Variants in NMRK1 observed in about 807,000 individuals in gnomAD.
NMRK1 encodes the protein NRK 1.
In NMRK1, 28 loss-of-function variants were observed where a neutral mutation model predicts 29.9. That is an observed-to-expected ratio of 0.94 (90% CI 0.69 to 1.28). The LOEUF (loss-of-function observed/expected upper bound fraction) is 1.28, where lower values mean the gene tolerates loss of function less well. Among genes scored for constraint, NMRK1 ranks in the 50% most tolerant of loss-of-function variants. NMRK1 has a pLI of 0.00. For synonymous variants in NMRK1, 58 were observed against 73.0 expected, an observed-to-expected ratio of 0.79 and a Z score of 1.05; for missense variants, 218 against 233.1, an observed-to-expected ratio of 0.94 and a Z score of 0.42.
chr9:75,066,652 A>T, intron 8 of NMRK1, 105 bp downstream of exon 8: 1 of 772,830 alleles, frequency 1.3e-6, no homozygotes, highest in Non-Finnish European at 2.4e-6. Context: ...GGATGAGCAC[A>T]ATCACTCCTA....
chr9:75,084,789 TA>T lies in NMRK1; in HGVS notation c.-35-1640del, dbSNP rs1347145815. Among the ~76,000 whole-genome samples, 3 of 152,116 alleles carry T rather than the reference TA, an allele frequency of 2.0e-5. 1 individual carries two copies. The highest frequency in any genetic ancestry group is 2.0e-4 in the Admixed American group (3 of 15,260). Reference sequence around the variant, plus strand: ...TGGGTGGCAGAGTGAGGCCCTGTCTTAAAAAATAAAATAAAATAGCAGACAA... The same window carrying T: ...TGGGTGGCAGAGTGAGGCCCTGTCTTAAAAATAAAATAAAATAGCAGACAA... On this transcript the variant is annotated intron_variant, in intron 1 of 8. Transcript: ENST00000361092.
chr9:75,068,795 T>C (rs1042770114), intron 7 of NMRK1, among the ~76,000 whole-genome samples: 7 of 152,228 alleles, frequency 4.6e-5, no homozygotes, highest in African/African-American at 1.7e-4. Context: ...CATTCAATAC[T>C]GGTTGAATGA....
intron 1 of NMRK1, among the ~76,000 whole-genome samples, chr9:75,086,842 G>A (rs1355771744): frequency 6.6e-6 from 1 of 151,648 alleles, no homozygotes; most frequent in Non-Finnish European, 1.5e-5. Flanking sequence ...CCAGGAGATA[G>A]GGCAGTCTTT....
chr9:75,085,059 G>T (rs1824538893), intron 1 of NMRK1, among the ~76,000 whole-genome samples: 1 of 152,086 alleles, frequency 6.6e-6, no homozygotes, highest in Non-Finnish European at 1.5e-5. Context: ...CTTTTGTGGT[G>T]ATAAATGTTC....
chr9:75,078,471 T>C, intron 2 of NMRK1: 1 of 1,484,358 alleles, frequency 6.7e-7, no homozygotes, highest in Non-Finnish European at 9.0e-7. Flanking sequence ...GAAGGGGCAC[T>C]GAGTTACTCC....
intron 2 of NMRK1, among the ~76,000 whole-genome samples, chr9:75,079,199 A>C (rs1391742367): frequency 1.3e-5 from 2 of 152,250 alleles, no homozygotes; most frequent in African/African-American, 4.8e-5. Context: ...CTGATTCACA[A>C]GATTTCTCAT....
intron 2 of NMRK1, 73 bp from the exon 3 acceptor site, chr9:75,077,653 A>T: frequency 1.9e-6 from 2 of 1,031,420 alleles, no homozygotes; most frequent in Non-Finnish European, 1.5e-6. Context: ...TTTTTTTTTG[A>T]GAGACAGGGT....
At chr9:75,066,344 C>A (rs1006966420) in intron 8 of NMRK1, 2 of 484,118 alleles carry the variant, frequency 4.1e-6, no homozygotes, top group Non-Finnish European at 8.2e-6. Flanking sequence ...TTTTGTTTAT[C>A]TTTGAGGTAT....
chr9:75,068,675 C>T (rs1587366287), intron 7 of NMRK1, among the ~76,000 whole-genome samples: 1 of 152,148 alleles, frequency 6.6e-6, no homozygotes, highest in Non-Finnish European at 1.5e-5. Context: ...AGGCTTGGGC[C>T]GCTGGTATCT....
At chr9:75,062,324 T>C (rs1010181656) in intron 8 of NMRK1, among the ~76,000 whole-genome samples, 2 of 148,022 alleles carry the variant, frequency 1.4e-5, no homozygotes, top group East Asian at 3.9e-4. Context: ...AATGAGATTA[T>C]ATTTTATATT....
chr9:75,065,315 G>A (rs958231306), intron 8 of NMRK1, among the ~76,000 whole-genome samples: 41 of 151,902 alleles, frequency 2.7e-4, no homozygotes, highest in Non-Finnish European at 1.0e-4. Context: ...GACTGCAGGC[G>A]CGCACCACCA....
At chr9:75,067,559 A>T (rs966098983) in intron 7 of NMRK1, among the ~76,000 whole-genome samples, 1 of 152,212 alleles carries the variant, frequency 6.6e-6, no homozygotes, top group African/African-American at 2.4e-5. Flanking sequence ...ATGAGATTTT[A>T]GAGCAAGGGT....
intron 3 of NMRK1, 121 bp from the exon 4 acceptor site, chr9:75,077,328 G>A: frequency 1.2e-6 from 1 of 857,572 alleles, no homozygotes; most frequent in Non-Finnish European, 1.9e-6. Flanking sequence ...GATCAGCACT[G>A]ATAGACAGTG....
chr9:75,078,263 T>A, intron 2 of NMRK1: 1 of 1,547,536 alleles, frequency 6.5e-7, no homozygotes, highest in Middle Eastern at 1.7e-4. Context: ...ATATGGTCAC[T>A]GTGATTTTGC....
intron 2 of NMRK1, among the ~76,000 whole-genome samples, chr9:75,080,380 G>A (rs528060618): frequency 2.0e-5 from 3 of 152,262 alleles, no homozygotes; most frequent in Admixed American, 6.5e-5. Flanking sequence ...GGCCGGGTAC[G>A]GTGACTCACA....
intron 1 of NMRK1, among the ~76,000 whole-genome samples, chr9:75,086,860 A>G (rs1824671667): frequency 6.7e-6 from 1 of 148,776 alleles, no homozygotes; most frequent in South Asian, 2.1e-4. Flanking sequence ...TTTTCCTACT[A>G]TTGTTTAAAC....
chr9:75,067,950 C>T (rs1564127172), intron 7 of NMRK1, among the ~76,000 whole-genome samples: 1 of 152,178 alleles, frequency 6.6e-6, no homozygotes, highest in East Asian at 1.9e-4. Flanking sequence ...GCATTGAGTG[C>T]CCTATTCCAG....
chr9:75,074,388 AT>A (rs1823872742), intron 4 of NMRK1, among the ~76,000 whole-genome samples: 1 of 147,014 alleles, frequency 6.8e-6, no homozygotes, highest in Non-Finnish European at 1.5e-5. Flanking sequence ...CCATCTTTTG[AT>A]TTATTTATTT....
Position 75,061,199 on chromosome 9 carries a change from A to G in NMRK1, c.*349T>C, listed in dbSNP as rs1333138135. The G allele has an allele frequency of 2.8e-5, 7 of 253,320 alleles. No homozygotes were observed. Among genetic ancestry groups the G allele is most frequent in the African/African-American group, 1.6e-4 (7 of 44,966 alleles). 15.7% of individuals were successfully genotyped at this position (253,320 alleles called of 1,614,324 possible). ...AACATACACAATGAATTCCACAGAT[A>G]TTGGATTGTGATGTAATCTTTATTT... On this transcript the variant is annotated 3_prime_UTR_variant, in exon 9 of 9. Transcript: ENST00000361092.
Sources: gnomAD v4.1 joint callset for allele counts (sites outside exome capture counted in the v4.1 genomes callset) on GRCh38, gnomAD v4.1.1 for gene constraint, MANE v1.5 for transcripts, NCBI Gene and HGNC (gene_info 2026-07-23, HGNC 2026-07-21) for gene names.